ASB3: variants seen among roughly 807,000 people sequenced by gnomAD.
ASB3 encodes ankyrin repeat and SOCS box protein 3.
ASB3 carries 41 observed loss-of-function variants against 54.5 expected under a neutral mutation model. The ratio of observed to expected loss-of-function variants is 0.75; its 90% confidence interval spans 0.59 to 0.98. The LOEUF (loss-of-function observed/expected upper bound fraction) is 0.98. Ranked by LOEUF, ASB3 falls within the 50% of genes least tolerant of loss-of-function variation. ASB3 has a pLI of 0.00. For synonymous variants in ASB3, 266 were observed against 221.2 expected (o/e 1.20, Z -1.80); for missense variants, 733 against 620.0 (o/e 1.18, Z -1.94).
At chr2:53,745,334 T>A (rs1220643051) in intron 3 of ASB3, among the ~76,000 whole-genome samples, 4 of 152,194 alleles carry the variant, frequency 2.6e-5, no homozygotes, top group African/African-American at 4.8e-5. Context: ...AAAAAGATGT[T>A]CTGGAAGGAC....
At chr2:53,716,800 A>G in intron 5 of ASB3, 57 bp from the exon 6 acceptor site, 1 of 1,508,064 alleles carries the variant, frequency 6.6e-7, no homozygotes. Flanking sequence ...AAAAATCAAC[A>G]CAAATTTCAA....
At chr2:53,721,223 CAAG>C (rs1429293148) in intron 5 of ASB3, among the ~76,000 whole-genome samples, 1 of 151,178 alleles carries the variant, frequency 6.6e-6, no homozygotes. Flanking sequence ...AAATCAATAC[CAAG>C]AAGATCTTCC....
intron 1 of ASB3, among the ~76,000 whole-genome samples, chr2:53,771,571 A>C (rs557805260): frequency 5.1e-4 from 78 of 152,250 alleles, no homozygotes; most frequent in African/African-American, 1.8e-3. Context: ...TAAGGGAAAA[A>C]CCAGAATATT....
chr2:53,730,854 A>G (rs369695252), intron 3 of ASB3, among the ~76,000 whole-genome samples: 9 of 152,176 alleles, frequency 5.9e-5, no homozygotes, highest in African/African-American at 2.2e-4. Context: ...CCACTATAGT[A>G]GGAGGCAGGA....
At chr2:53,708,848 A>G (rs1246679425) in intron 7 of ASB3, among the ~76,000 whole-genome samples, 1 of 152,226 alleles carries the variant, frequency 6.6e-6, no homozygotes, top group African/African-American at 2.4e-5. Flanking sequence ...TAAGCAGCAA[A>G]GCAGCCTGTC....
chr2:53,769,798 C>T (rs989566043), intron 1 of ASB3, among the ~76,000 whole-genome samples: 4 of 152,092 alleles, frequency 2.6e-5, no homozygotes, highest in African/African-American at 4.8e-5. Flanking sequence ...GCTGAGATTG[C>T]GCCACTGCAC....
chr2:53,781,280 T>C (rs1351155613), intron 1 of ASB3, among the ~76,000 whole-genome samples: 1 of 151,830 alleles, frequency 6.6e-6, no homozygotes, highest in East Asian at 1.9e-4. Context: ...GGCGTGGTGG[T>C]GCACACCTGT....
intron 2 of ASB3, among the ~76,000 whole-genome samples, chr2:53,760,937 CCTGCT>C (rs1673108902): frequency 6.6e-6 from 1 of 152,174 alleles, no homozygotes; most frequent in Non-Finnish European, 1.5e-5. Context: ...CCTGGAACAG[CCTGCT>C]AGCCCATGCT....
chr2:53,751,921 G>A (rs1435657699), intron 2 of ASB3, among the ~76,000 whole-genome samples: 2 of 152,098 alleles, frequency 1.3e-5, no homozygotes, highest in Non-Finnish European at 2.9e-5. Context: ...ACAGAAATAG[G>A]GTTTCAGAGA....
chr2:53,734,119 G>A (rs926803014), intron 3 of ASB3, among the ~76,000 whole-genome samples: 5 of 152,182 alleles, frequency 3.3e-5, no homozygotes, highest in African/African-American at 7.2e-5. Flanking sequence ...TCCTTCCAGC[G>A]TGGGCGTTAT....
At chr2:53,750,330 C>A (rs1181205464) in intron 3 of ASB3, among the ~76,000 whole-genome samples, 1 of 152,082 alleles carries the variant, frequency 6.6e-6, no homozygotes, top group Non-Finnish European at 1.5e-5. Context: ...CAGAAGAGGT[C>A]TGAATTAAAA....
At chr2:53,733,813 G>A (rs1174950877) in intron 3 of ASB3, among the ~76,000 whole-genome samples, 4 of 152,172 alleles carry the variant, frequency 2.6e-5, no homozygotes, top group African/African-American at 9.7e-5. Flanking sequence ...GAAATCAGGG[G>A]TCTCACAGCC....
intron 7 of ASB3, among the ~76,000 whole-genome samples, chr2:53,710,282 T>C (rs1275369961): frequency 2.6e-5 from 4 of 152,214 alleles, no homozygotes; most frequent in Non-Finnish European, 5.9e-5. Context: ...CTTTCCTATA[T>C]CTTTCATTTG....
At chr2:53,764,274 C>A (rs1036209630) in intron 2 of ASB3, among the ~76,000 whole-genome samples, 1 of 152,088 alleles carries the variant, frequency 6.6e-6, no homozygotes, top group African/African-American at 2.4e-5. Context: ...TAGTCAACCT[C>A]ATTTTAACTG....
intron 1 of ASB3, chr2:53,768,130 CA>C (rs1204723098): frequency 2.4e-6 from 3 of 1,264,782 alleles, no homozygotes; most frequent in African/African-American, 2.9e-5. Flanking sequence ...TTCATGGGGC[CA>C]AAGCACATGG....
rs186516044 is a variant in ASB3 at position 53,781,983 on chromosome 2, T to C, written c.-14+4838A>G. ...TGGGTGCCATGGCTCACATCTGTAA[T>C]CCCAACACTCTGGGAAACCAAGAAT... is the stretch of plus-strand genomic sequence containing the variant. On this transcript the variant is annotated intron_variant, in intron 1 of 9. Transcript: ENST00000263634. 5.3e-5 allele frequency among the ~76,000 whole-genome samples: 8 copies of C among 152,186 alleles called. No homozygotes were observed. In the East Asian group the frequency reaches 1.5e-3, roughly 29 times the overall value.
intron 1 of ASB3, among the ~76,000 whole-genome samples, chr2:53,779,508 C>T (rs892657641): frequency 6.6e-6 from 1 of 152,064 alleles, no homozygotes; most frequent in African/African-American, 2.4e-5. Context: ...ACAATCACAA[C>T]TCACTGCAGC....
At chr2:53,760,728 C>T (rs1253432883) in intron 2 of ASB3, among the ~76,000 whole-genome samples, 1 of 152,166 alleles carries the variant, frequency 6.6e-6, no homozygotes, top group Non-Finnish European at 1.5e-5. Context: ...CAGGCCTTTT[C>T]AAAACTATCA....
At chr2:53,779,421 G>A (rs545195197) in intron 1 of ASB3, among the ~76,000 whole-genome samples, 1 of 152,062 alleles carries the variant, frequency 6.6e-6, no homozygotes, top group East Asian at 1.9e-4. Flanking sequence ...AGACAAACAA[G>A]TAGCTATGAC....
Sources: gnomAD v4.1 joint callset for allele counts (sites outside exome capture counted in the v4.1 genomes callset) on GRCh38, gnomAD v4.1.1 for gene constraint, MANE v1.5 for transcripts, NCBI Gene and HGNC (gene_info 2026-07-23, HGNC 2026-07-21) for gene names.